The following AGBL1 variants were observed in gnomAD, a reference collection of about 807,000 sequenced individuals.
The protein encoded by AGBL1 is AGBL carboxypeptidase 1.
AGBL1 carries 130 observed loss-of-function variants against 118.9 expected under a neutral mutation model. The observed-to-expected ratio is 1.09, with a 90% CI of 0.95 to 1.26. The LOEUF (loss-of-function observed/expected upper bound fraction) is 1.26, where lower values mean the gene tolerates loss of function less well. AGBL1 is among the 50% of genes most tolerant of loss of function. The pLI, the probability that AGBL1 is intolerant of heterozygous loss-of-function variation, is 0.00. For missense variants in AGBL1, 1,584 were observed against 1,298.1 expected, an observed-to-expected ratio of 1.22 and a Z score of -3.38; for synonymous variants, 555 against 478.9, an observed-to-expected ratio of 1.16 and a Z score of -2.08.
At chr15:86,967,116 A>G (rs1363497502) in intron 23 of AGBL1, among the ~76,000 whole-genome samples, 1 of 152,086 alleles carries the variant, frequency 6.6e-6, no homozygotes, top group Non-Finnish European at 1.5e-5. Flanking sequence ...TGGCTGCATA[A>G]ATGTCTTCTT....
intron 22 of AGBL1, among the ~76,000 whole-genome samples, chr15:86,773,446 C>T (rs2078209290): frequency 6.6e-6 from 1 of 151,402 alleles, no homozygotes; most frequent in Non-Finnish European, 1.5e-5. Context: ...TGGTGTGCTG[C>T]ACCCATTAAC....
At chr15:86,985,494 T>G (rs960481049) in intron 23 of AGBL1, among the ~76,000 whole-genome samples, 1 of 152,270 alleles carries the variant, frequency 6.6e-6, no homozygotes, top group Non-Finnish European at 1.5e-5. Context: ...CTAACGCTGC[T>G]AAGCAGCTTT....
At chr15:87,004,869 C>A (rs2081481872) in intron 24 of AGBL1, among the ~76,000 whole-genome samples, 1 of 152,156 alleles carries the variant, frequency 6.6e-6, no homozygotes, top group Admixed American at 6.5e-5. Flanking sequence ...CCTTCAGGAG[C>A]TCTTGTAGGG....
chr15:86,948,329 T>A (rs922963758), intron 23 of AGBL1, among the ~76,000 whole-genome samples: 6 of 152,068 alleles, frequency 3.9e-5, no homozygotes, highest in Non-Finnish European at 8.8e-5. Flanking sequence ...ATTGCATTTT[T>A]AAAAATAAAA....
At chr15:86,712,268 G>A (rs531395856) in intron 22 of AGBL1, among the ~76,000 whole-genome samples, 2 of 151,996 alleles carry the variant, frequency 1.3e-5, no homozygotes, top group Non-Finnish European at 2.9e-5. Flanking sequence ...AGATGTCCCA[G>A]CCTCGTTTTG....
intron 21 of AGBL1, among the ~76,000 whole-genome samples, chr15:86,640,785 A>T (rs908129667): frequency 1.3e-5 from 2 of 152,160 alleles, no homozygotes; most frequent in African/African-American, 4.8e-5. Flanking sequence ...AAATATATTT[A>T]TAAATCTGGC....
intron 17 of AGBL1, among the ~76,000 whole-genome samples, chr15:86,379,916 T>C (rs758447537): frequency 5.3e-5 from 8 of 152,224 alleles, no homozygotes; most frequent in Non-Finnish European, 8.8e-5. Context: ...GAAAGATTCA[T>C]AGCAGGGTGC....
At chr15:86,225,016 G>C in intron 6 of AGBL1, 65 bp downstream of exon 6, 1 of 1,489,896 alleles carries the variant, frequency 6.7e-7, no homozygotes, top group South Asian at 1.2e-5. Context: ...GATACTTTCT[G>C]GTCCCCATGG....
At chr15:86,457,388 C>T (rs528642535) in intron 18 of AGBL1, among the ~76,000 whole-genome samples, 2 of 152,290 alleles carry the variant, frequency 1.3e-5, no homozygotes, top group African/African-American at 2.4e-5. Flanking sequence ...TTCGTCGCAG[C>T]CTCTGCACCC....
intron 24 of AGBL1, among the ~76,000 whole-genome samples, chr15:86,997,580 T>C (rs772294963): frequency 6.6e-6 from 1 of 152,160 alleles, no homozygotes; most frequent in East Asian, 1.9e-4. Flanking sequence ...ACAATAGATA[T>C]TGATGGATCA....
At chr15:87,006,311 A>G (rs965813072) in intron 24 of AGBL1, among the ~76,000 whole-genome samples, 1 of 152,270 alleles carries the variant, frequency 6.6e-6, no homozygotes, top group South Asian at 2.1e-4. Flanking sequence ...AGAGGCAGGC[A>G]GGCCTTCTTG....
chr15:86,548,933 G>A (rs919752608), intron 20 of AGBL1, among the ~76,000 whole-genome samples: 1 of 152,044 alleles, frequency 6.6e-6, no homozygotes, highest in African/African-American at 2.4e-5. Flanking sequence ...GGTGAAGGGG[G>A]AGCAGGCACT....
chr15:86,350,511 C>T (rs960649983), intron 17 of AGBL1, among the ~76,000 whole-genome samples: 1 of 152,178 alleles, frequency 6.6e-6, no homozygotes, highest in Non-Finnish European at 1.5e-5. Flanking sequence ...ATGTTTCTGA[C>T]CCGCCTTTGC....
chr15:87,022,218 A>C (rs1034928836), intron 24 of AGBL1, among the ~76,000 whole-genome samples: 6 of 152,204 alleles, frequency 3.9e-5, no homozygotes, highest in Admixed American at 2.6e-4. Context: ...AATGAGAAGG[A>C]ACCAGAAAAC....
At chr15:86,415,543 A>C (rs1216002659) in intron 18 of AGBL1, among the ~76,000 whole-genome samples, 4 of 152,166 alleles carry the variant, frequency 2.6e-5, no homozygotes, top group Non-Finnish European at 5.9e-5. Flanking sequence ...TTATACTTTA[A>C]CACCTATAAA....
rs556520337 is a variant in AGBL1 at position 86,408,098 on chromosome 15, C to T, written c.2555+10552C>T. Among the ~76,000 whole-genome samples, 11 of 152,278 alleles carry T rather than the reference C, an allele frequency of 7.2e-5. No homozygotes were observed. The South Asian group carries it at 2.3e-3, about 32-fold the overall frequency. ...TCTTTCTTTCTTTCCCTGTCTCTATCTCTGTTTCTCAATCTCTCTCTTTCT... is the reference window on the plus strand; with the variant it reads ...TCTTTCTTTCTTTCCCTGTCTCTATTTCTGTTTCTCAATCTCTCTCTTTCT... On this transcript the variant is annotated intron_variant, in intron 18 of 22. Transcript: ENST00000614907.
intron 22 of AGBL1, among the ~76,000 whole-genome samples, chr15:86,751,082 A>G (rs1371890016): frequency 6.6e-6 from 1 of 152,116 alleles, no homozygotes; most frequent in African/African-American, 2.4e-5. Flanking sequence ...ACTATTGTGA[A>G]TAGTGCTGCA....
chr15:86,642,403 T>G (rs1428035684), intron 21 of AGBL1, among the ~76,000 whole-genome samples: 1 of 152,170 alleles, frequency 6.6e-6, no homozygotes, highest in Non-Finnish European at 1.5e-5. Context: ...TGTTTAAGAA[T>G]TGACGAGACA....
intron 24 of AGBL1, among the ~76,000 whole-genome samples, chr15:86,999,563 T>A (rs982749737): frequency 6.7e-6 from 1 of 148,810 alleles, no homozygotes; most frequent in African/African-American, 2.6e-5. Flanking sequence ...AACTCATCAT[T>A]TTTTATGGCT....
Sources: allele counts gnomAD v4.1 joint callset (sites outside exome capture counted in the v4.1 genomes callset), GRCh38; gene constraint gnomAD v4.1.1; transcripts MANE v1.5; gene names NCBI Gene and HGNC (gene_info 2026-07-23, HGNC 2026-07-21).